Variants in CCDC110 observed in about 807,000 individuals in gnomAD.
The protein encoded by CCDC110 is coiled-coil domain-containing protein 110.
Under a neutral mutation model 77.1 loss-of-function variants are expected in CCDC110, and 70 were observed. The ratio of observed to expected loss-of-function variants is 0.91; its 90% CI spans 0.75 to 1.11. CCDC110 has a LOEUF of 1.11. Ranked by LOEUF, CCDC110 falls within the 50% of genes least tolerant of loss-of-function variation. CCDC110 has a pLI of 0.00. For synonymous variants in CCDC110, 295 were observed against 312.5 expected (o/e 0.94, Z 0.59); for missense variants, 868 against 942.9 (o/e 0.92, Z 1.04).
rs757958063 is a variant in CCDC110 at position 185,459,225 on chromosome 4, G to T, written c.1362C>A (p.Asn454Lys). ...KVMELESENL[N>K]LKSKMKPLIF... ...TAAGAGGTTTCATTTTGGACTTAAG[G>T]TTTAGATTTTCACTCTCCAGTTCCA... The change falls in exon 6 of 7, where the codon AAC (asparagine) becomes AAA (lysine). Residue 454 changes from asparagine (N) to lysine (K), a missense_variant. Physicochemically the swap from Asn to Lys is moderately conservative, Grantham distance 94. Coordinates refer to ENST00000307588, the MANE Select transcript of CCDC110 (RefSeq NM_152775.4). 6.2e-7 allele frequency: 1 copy of T among 1,606,314 alleles called. No individual in the cohort carries two copies. Among genetic ancestry groups the T allele is most frequent in the Non-Finnish European group, 8.5e-7 (1 of 1,177,790 alleles).
chr4:185,457,977 A>T, intron 6 of CCDC110, 149 bp downstream of exon 6: 2 of 637,424 alleles, frequency 3.1e-6, no homozygotes, highest in South Asian at 7.2e-5. Flanking sequence ...ATTCCTAAAT[A>T]ATTTCACTGT....
At position 185,458,745 on chromosome 4, in the gene CCDC110, G is replaced by C. The variant is rs35596415; in HGVS notation, c.1842C>G (p.Ile614Met). ...CCAATCTTTCTTTCTCTTTTAGCTG[G>C]ATTATCTCTAGCTGGCTTTCTTTTA... ...NELKESQLEI[I>M]QLKEKERLAK... is the part of the protein sequence containing the mutation. The change falls in exon 6 of 7, where the codon ATC becomes ATG. Residue 614 changes from isoleucine (I) to methionine (M), a missense_variant. Coordinates refer to ENST00000307588, the MANE Select transcript of CCDC110 (RefSeq NM_152775.4). 0.52 allele frequency: 828,581 copies of C among 1,608,442 alleles called. 218,450 individuals carry two copies. Among genetic ancestry groups the C allele is most frequent in the Middle Eastern group, 0.57 (3,438 of 6,020 alleles).
intron 6 of CCDC110, among the ~76,000 whole-genome samples, chr4:185,447,363 G>T (rs2153314897): frequency 6.6e-6 from 1 of 151,976 alleles, no homozygotes; most frequent in East Asian, 1.9e-4. Flanking sequence ...TGTATTTTTA[G>T]TAGAGACGGG....
intron 6 of CCDC110, among the ~76,000 whole-genome samples, chr4:185,447,295 C>T (rs1378485452): frequency 6.6e-6 from 1 of 151,970 alleles, no homozygotes; most frequent in Non-Finnish European, 1.5e-5. Flanking sequence ...CATTCTCCTG[C>T]CTCAGCCTCC....
In CCDC110 at chr4:185,460,039, A is replaced by G; in HGVS notation, c.548T>C (p.Ile183Thr). ...AGAATTTTCTGAAGGGTGTATAATT[A>G]TGTTTGAAGATAAATTGTCTGTTGA... ...RTSTDNLSSNIIIHPSENSDI... is the reference protein window; with the variant it reads ...RTSTDNLSSNTIIHPSENSDI... The change falls in exon 6 of 7, where the codon ATA becomes ACA. Residue 183 changes from isoleucine to threonine, a missense_variant. Coordinates refer to ENST00000307588, the MANE Select transcript of CCDC110 (RefSeq NM_152775.4). 6.2e-7 allele frequency: 1 copy of G among 1,613,682 alleles called. No individual in the cohort carries two copies. The highest frequency in any genetic ancestry group is 8.5e-7 in the Non-Finnish European group (1 of 1,179,752).
chr4:185,457,382 GCTCA>G, intron 6 of CCDC110: 1 of 451,552 alleles, frequency 2.2e-6, no homozygotes, highest in Non-Finnish European at 4.4e-6. Flanking sequence ...GGGTTTCTAA[GCTCA>G]CTCTCTCCTG....
chr4:185,459,831 A>C lies in CCDC110; in HGVS notation c.756T>G (p.Leu252=), dbSNP rs1306107556. 6.2e-7 allele frequency: 1 copy of C among 1,613,248 alleles called. No homozygotes were observed. Among genetic ancestry groups the C allele is most frequent in the African/African-American group, 1.3e-5 (1 of 74,912 alleles). The stretch of plus-strand genomic sequence containing the variant: ...CCACTTCCCCATCATGTGACTTTTG[A>C]AGCTCTTCTTTCATTTGTTTGATAG... ...CHSIKQMKEE[L]QKSHDGEVAL... Residue 252 remains leucine (L), a synonymous_variant, in exon 6 of 7, where the codon CTT becomes CTG. Coordinates refer to ENST00000307588, the MANE Select transcript of CCDC110 (RefSeq NM_152775.4).
intron 6 of CCDC110, among the ~76,000 whole-genome samples, chr4:185,453,472 A>G (rs914814258): frequency 1.3e-5 from 2 of 152,118 alleles, no homozygotes; most frequent in Non-Finnish European, 2.9e-5. Context: ...TAACAATGAA[A>G]TGGAGTTAGA....
At chr4:185,447,872 A>G (rs1392791593) in intron 6 of CCDC110, among the ~76,000 whole-genome samples, 1 of 152,244 alleles carries the variant, frequency 6.6e-6, no homozygotes, top group African/African-American at 2.4e-5. Flanking sequence ...TCACTAATGT[A>G]TGAGATGCTA....
At position 185,458,579 on chromosome 4, in the gene CCDC110, A is replaced by G. The variant is rs527853047; in HGVS notation, c.2008T>C (p.Ser670Pro). Residue 670 changes from serine to proline, a missense_variant, in exon 6 of 7, where the codon TCT becomes CCT. Coordinates refer to ENST00000307588, the MANE Select transcript of CCDC110 (RefSeq NM_152775.4). ...REIENIQTYQSTAEENFLQEI... is the reference protein window; with the variant it reads ...REIENIQTYQPTAEENFLQEI... Reference sequence around the variant, plus strand: ...TGCAGAAAATTCTCTTCGGCAGTAGATTGGTAGGTTTGAATATTCTCAATT... The same window carrying G: ...TGCAGAAAATTCTCTTCGGCAGTAGGTTGGTAGGTTTGAATATTCTCAATT... The G allele has an allele frequency of 4.3e-5, 69 of 1,608,472 alleles. No homozygotes were observed. In the South Asian group the frequency reaches 7.5e-4, roughly 17 times the overall value.
In CCDC110 at chr4:185,471,688, G is replaced by GCGGCTC; in HGVS notation, c.-11_-6dup. On this transcript the variant is annotated 5_prime_UTR_variant, in exon 1 of 7. Coordinates refer to ENST00000307588, the MANE Select transcript of CCDC110 (RefSeq NM_152775.4). ...CCAACTCTTACCCGGGCTCATCGCCGCGGCTCATCTCTCTCGCAACCGCCG... is the reference window on the plus strand; with the variant it reads ...CCAACTCTTACCCGGGCTCATCGCCGCGGCTCCGGCTCATCTCTCTCGCAACCGCCG... The GCGGCTC allele has an allele frequency of 6.5e-7, 1 of 1,547,824 alleles. No homozygotes were observed. Among genetic ancestry groups the GCGGCTC allele is most frequent in the Non-Finnish European group, 8.7e-7 (1 of 1,151,158 alleles).
chr4:185,447,186 C>CTT lies in CCDC110; in HGVS notation c.2462-1646_2462-1645dup, dbSNP rs11352180. 7.5e-3 allele frequency among the ~76,000 whole-genome samples: 1,044 copies of CTT among 139,664 alleles called. 8 individuals carry two copies. Among genetic ancestry groups the CTT allele is most frequent in the African/African-American group, 0.024 (956 of 39,240 alleles). 91.6% of individuals were successfully genotyped at this position (139,664 alleles called of 152,430 possible). A position where few individuals can be genotyped will look rare whatever the true frequency, so the allele number is the denominator to read the frequency against. ...AGCTATGTTTGATTTTATATTTTTT[C>CTT]TTTTTTTTTTTTTGAGACGGAGTCT... On this transcript the variant is annotated intron_variant, in intron 6 of 6. Transcript: ENST00000307588.
At chr4:185,463,354 A>G (rs979473938) in intron 2 of CCDC110, among the ~76,000 whole-genome samples, 1 of 152,214 alleles carries the variant, frequency 6.6e-6, no homozygotes, top group African/African-American at 2.4e-5. Context: ...ACTGCATTCA[A>G]AAAAAACCTA....
intron 3 of CCDC110, 71 bp downstream of exon 3, chr4:185,462,923 G>T: frequency 7.9e-7 from 1 of 1,259,282 alleles, no homozygotes; most frequent in South Asian, 1.2e-5. Flanking sequence ...TGCATTTAGG[G>T]AGTATTTATT....
At position 185,468,329 on chromosome 4, in the gene CCDC110, G is replaced by T. The variant is rs1580203088; in HGVS notation, c.115+2616C>A. Among the ~76,000 whole-genome samples, 1 of 152,232 alleles carries T rather than the reference G, an allele frequency of 6.6e-6. No individual in the cohort carries two copies. Among genetic ancestry groups the T allele is most frequent in the Non-Finnish European group, 1.5e-5 (1 of 68,040 alleles). ...AGGTGTACGAGGTGTACGGCACATA[G>T]TGAATGCTCAAGAGACACTAACTCA... On this transcript the variant is annotated intron_variant, in intron 2 of 6. Transcript: ENST00000307588. This position sits in a 1 kb window ranked among gnomAD's most constrained non-coding sequence, Gnocchi z 4.5.
At chr4:185,470,766 A>G (rs112863001) in intron 2 of CCDC110, 179 bp downstream of exon 2, 1 of 687,844 alleles carries the variant, frequency 1.5e-6, no homozygotes, top group South Asian at 1.4e-5. Flanking sequence ...GTGTTGTGAG[A>G]ATTAAACAGT....
At chr4:185,455,145 C>A (rs939733289) in intron 6 of CCDC110, among the ~76,000 whole-genome samples, 1 of 152,082 alleles carries the variant, frequency 6.6e-6, no homozygotes, top group African/African-American at 2.4e-5. Context: ...AAAGGATGCA[C>A]CTAACTTTTT....
chr4:185,448,980 T>C (rs2095623219), intron 6 of CCDC110, among the ~76,000 whole-genome samples: 1 of 152,214 alleles, frequency 6.6e-6, no homozygotes, highest in Admixed American at 6.5e-5. Context: ...TTATAATACA[T>C]TATCAAAACA....
chr4:185,463,120 G>T (rs1269291188), intron 2 of CCDC110, 71 bp from the exon 3 acceptor site: 2 of 1,178,166 alleles, frequency 1.7e-6, no homozygotes, highest in Non-Finnish European at 2.5e-6. Flanking sequence ...GTAATAGAAA[G>T]CAGTCTCCTA....
Sources: gnomAD v4.1 joint callset for allele counts (sites outside exome capture counted in the v4.1 genomes callset) on GRCh38, gnomAD v4.1.1 for gene constraint, Gnocchi (gnomAD v3.1) non-coding constraint, MANE v1.5 for transcripts, NCBI Gene and HGNC (gene_info 2026-07-23, HGNC 2026-07-21) for gene names.